RYR3: variants seen among roughly 807,000 people sequenced by gnomAD.
RYR3 encodes brain ryanodine receptor-calcium release channel.
In RYR3, 207 loss-of-function variants were observed where a neutral mutation model predicts 584.3. That is an observed-to-expected ratio of 0.35 (90% CI 0.32 to 0.40). The LOEUF is 0.40. Ranked by LOEUF, RYR3 falls within the 10% of genes least tolerant of loss-of-function variation. RYR3 has a pLI of 1.00. For missense variants in RYR3, 5,616 were observed against 6,089.2 expected, an observed-to-expected ratio of 0.92 and a Z score of 2.59; for synonymous variants, 2,416 against 2,248.5, an observed-to-expected ratio of 1.07 and a Z score of -2.11.
chr15:33,430,413 G>T (rs1159150349), intron 1 of RYR3, among the ~76,000 whole-genome samples: 1 of 152,148 alleles, frequency 6.6e-6, no homozygotes, highest in African/African-American at 2.4e-5. Context: ...ATCCATAGAC[G>T]AATTTGAAGA....
At chr15:33,722,503 G>C (rs936972566) in intron 43 of RYR3, 83 of 561,832 alleles carry the variant, frequency 1.5e-4, no homozygotes, top group Non-Finnish European at 2.5e-5. Context: ...GCTGGTTCAA[G>C]TGCAGTGAGT....
At chr15:33,432,219 T>C (rs190424223) in intron 1 of RYR3, among the ~76,000 whole-genome samples, 293 of 152,198 alleles carry the variant, frequency 1.9e-3, no homozygotes, top group African/African-American at 6.9e-3. Flanking sequence ...ATCATAAAAA[T>C]CATAGGTGCT....
At chr15:33,788,615 G>C (rs1194102511) in intron 67 of RYR3, among the ~76,000 whole-genome samples, 157 bp downstream of exon 67, 2 of 152,224 alleles carry the variant, frequency 1.3e-5, no homozygotes, top group South Asian at 2.1e-4. Flanking sequence ...GGTTCCTGCT[G>C]TAGGAGCTCT....
chr15:33,775,000 A>C (rs1250921988), intron 64 of RYR3, among the ~76,000 whole-genome samples: 2 of 151,910 alleles, frequency 1.3e-5, no homozygotes, highest in Non-Finnish European at 2.9e-5. Flanking sequence ...TTCTTGGTAC[A>C]ATTTTTTGTA....
At chr15:33,594,638 T>C (rs1231820229) in intron 16 of RYR3, among the ~76,000 whole-genome samples, 1 of 152,212 alleles carries the variant, frequency 6.6e-6, no homozygotes, top group African/African-American at 2.4e-5. Flanking sequence ...TATTCCAATG[T>C]CACAATTTCC....
At chr15:33,828,001 A>C (rs890495978) in intron 85 of RYR3, among the ~76,000 whole-genome samples, 1 of 152,236 alleles carries the variant, frequency 6.6e-6, no homozygotes, top group African/African-American at 2.4e-5. Flanking sequence ...GTAACCCTGC[A>C]TCAAGCAAGT....
At chr15:33,540,070 C>T (rs888586942) in intron 6 of RYR3, among the ~76,000 whole-genome samples, 2 of 152,020 alleles carry the variant, frequency 1.3e-5, no homozygotes, top group Admixed American at 6.6e-5. Context: ...TCATGGTGTC[C>T]GGAACTAACC....
intron 52 of RYR3, among the ~76,000 whole-genome samples, chr15:33,744,830 T>G (rs1230688517): frequency 6.6e-6 from 1 of 152,110 alleles, no homozygotes; most frequent in Non-Finnish European, 1.5e-5. Context: ...ATGATCACCT[T>G]TTTAGGTTTA....
At position 33,477,029 on chromosome 15, in the gene RYR3, T is replaced by C. The variant is rs190631136; in HGVS notation, c.171+3491T>C. On this transcript the variant is annotated intron_variant, in intron 2 of 103. Coordinates refer to ENST00000634891, the MANE Select transcript of RYR3 (RefSeq NM_001036.6). ...TGCCCTAATTCTCTACCATCAAATT[T>C]CTCAACGAGCTGTACCATTCTTAGA... Among the ~76,000 whole-genome samples the C allele has an allele frequency of 1.1e-4, 16 of 152,260 alleles. No homozygotes were observed. In the East Asian group the frequency reaches 3.1e-3, roughly 29 times the overall value.
intron 60 of RYR3, among the ~76,000 whole-genome samples, chr15:33,764,739 A>G (rs995578740): frequency 2.0e-5 from 3 of 152,180 alleles, no homozygotes; most frequent in Non-Finnish European, 4.4e-5. Context: ...AAACTTATAA[A>G]AAGACTCAGA....
intron 1 of RYR3, among the ~76,000 whole-genome samples, chr15:33,373,056 A>G (rs935289986): frequency 3.9e-5 from 6 of 152,152 alleles, no homozygotes; most frequent in African/African-American, 1.4e-4. Flanking sequence ...TCTCTTGCCC[A>G]TTTCTCCTAT....
chr15:33,625,848 T>C (rs1333486311), intron 20 of RYR3, among the ~76,000 whole-genome samples: 1 of 152,102 alleles, frequency 6.6e-6, no homozygotes, highest in African/African-American at 2.4e-5. Flanking sequence ...GGGAAAAAAA[T>C]TGTTGAATTC....
chr15:33,435,564 C>G (rs1309701454), intron 1 of RYR3, among the ~76,000 whole-genome samples: 2 of 152,196 alleles, frequency 1.3e-5, no homozygotes, highest in Non-Finnish European at 2.9e-5. Flanking sequence ...ATTGATGGGT[C>G]AAATGGGCTA....
chr15:33,585,438 A>C (rs2058799371), intron 15 of RYR3, among the ~76,000 whole-genome samples: 1 of 152,084 alleles, frequency 6.6e-6, no homozygotes, highest in Non-Finnish European at 1.5e-5. Flanking sequence ...CACTTATATA[A>C]CCTATCCAGT....
At chr15:33,734,728 C>T (rs908421461) in intron 48 of RYR3, among the ~76,000 whole-genome samples, 35 of 134,334 alleles carry the variant, frequency 2.6e-4, no homozygotes, top group African/African-American at 9.1e-4. Context: ...CTCGCTCTGT[C>T]GCCCAGGTTG....
chr15:33,805,469 CT>C (rs61113827), intron 69 of RYR3, among the ~76,000 whole-genome samples: 46,137 of 137,998 alleles, frequency 0.33, 6,993 homozygotes, highest in Non-Finnish European at 0.36. Context: ...TTTTCTCTCT[CT>C]TTTTTTTTTT....
chr15:33,440,236 G>A (rs534885985), intron 1 of RYR3, among the ~76,000 whole-genome samples: 1 of 152,306 alleles, frequency 6.6e-6, no homozygotes, highest in African/African-American at 2.4e-5. Flanking sequence ...GCAGTGAGCT[G>A]TGATTGCACC....
At position 33,562,871 on chromosome 15, in the gene RYR3, G is replaced by A. The variant is rs61748999; in HGVS notation, c.1007G>A (p.Arg336Gln). 226 of 1,613,320 alleles carry A rather than the reference G, an allele frequency of 1.4e-4. No individual in the cohort carries two copies. In the African/African-American group the frequency reaches 2.1e-3, roughly 15 times the overall value. ...LKEKLDSSHK[R>Q]DIEGMGVPEI... is the part of the protein sequence containing the mutation. The stretch of plus-strand genomic sequence containing the variant: ...GAGAAATTAGACTCCAGTCACAAGC[G>A]AGACATAGAAGGCATGGGAGTTCCA... The change falls in exon 11 of 104, where the codon CGA (arginine) becomes CAA (glutamine). Residue 336 changes from arginine to glutamine, a missense_variant. Coordinates refer to ENST00000634891, the MANE Select transcript of RYR3 (RefSeq NM_001036.6).
intron 16 of RYR3, among the ~76,000 whole-genome samples, chr15:33,595,073 A>G (rs683371): frequency 0.46 from 68,867 of 148,970 alleles, 16,108 homozygotes; most frequent in East Asian, 0.81. Context: ...AAAAGATTAG[A>G]TTAGAAAAAG....
Sources: allele counts gnomAD v4.1 joint callset (sites outside exome capture counted in the v4.1 genomes callset), GRCh38; gene constraint gnomAD v4.1.1; transcripts MANE v1.5; gene names NCBI Gene and HGNC (gene_info 2026-07-23, HGNC 2026-07-21).